The following FGD1 variants were observed in gnomAD, a reference collection of about 807,000 sequenced individuals.
FGD1 encodes FYVE, RhoGEF and PH domain-containing protein 1.
FGD1 carries 12 observed loss-of-function variants against 65.0 expected under a neutral mutation model. The ratio of observed to expected loss-of-function variants is 0.18; its 90% CI spans 0.12 to 0.30. The LOEUF is 0.30. Among genes scored for constraint, FGD1 ranks in the 10% least tolerant of loss-of-function variants. The pLI is 1.00. For synonymous variants in FGD1, 333 were observed against 343.9 expected (o/e 0.97, Z 0.35); for missense variants, 542 against 837.6 (o/e 0.65, Z 4.36).
chrX:54,469,337 T>C (rs762119263), intron 4 of FGD1, among the ~76,000 whole-genome samples: 3 of 111,965 alleles, frequency 2.7e-5, no homozygotes, highest in Non-Finnish European at 5.6e-5. Flanking sequence ...AAAATAATAA[T>C]AGGACTGAAG....
intron 1 of FGD1, among the ~76,000 whole-genome samples, chrX:54,482,529 G>GCTGAGATT (rs1269521999): frequency 8.9e-6 from 1 of 111,980 alleles, no homozygotes; most frequent in East Asian, 2.8e-4. Flanking sequence ...TGCCACGCTG[G>GCTGAGATT]CTGAGATTCC....
chrX:54,449,374 G>A, intron 14 of FGD1, 106 bp from the exon 15 acceptor site: 3 of 1,025,212 alleles, frequency 2.9e-6, no homozygotes, highest in African/African-American at 1.9e-5. Flanking sequence ...GTGGGGATGG[G>A]CTGGGGGTAG....
At chrX:54,448,336 G>A (rs1482971136) in intron 16 of FGD1, among the ~76,000 whole-genome samples, 3 of 110,699 alleles carry the variant, frequency 2.7e-5, no homozygotes, top group Non-Finnish European at 3.8e-5. Context: ...GCAGGCGTGC[G>A]CCACCATGCC....
rs750105234 is a variant in FGD1 at position 54,455,748 on chromosome X, G to T, written c.1879C>A (p.Arg627=). The T allele has an allele frequency of 1.2e-5, 14 of 1,186,916 alleles. No individual in the cohort carries two copies. The highest frequency in any genetic ancestry group is 1.1e-6 in the Non-Finnish European group (1 of 882,041). Residue 627 remains arginine, a synonymous_variant, in exon 11 of 18, where the codon CGG becomes AGG. Transcript: ENST00000375135. ...ACGCTAAACTTCTGGCCAAGGAGCC[G>T]CAGCCTGGGCACGCAGTAAAGGAGG... The part of the protein sequence containing the change: ...DRLLYCVPRL[R]LLGQKFSVRA...
chrX:54,464,127 CTT>C (rs1195226924), intron 8 of FGD1, among the ~76,000 whole-genome samples: 12 of 50,559 alleles, frequency 2.4e-4, no homozygotes, highest in African/African-American at 8.8e-4. Context: ...ACGCCCAGCT[CTT>C]TTTTTTTTTT....
intron 12 of FGD1, among the ~76,000 whole-genome samples, chrX:54,452,121 G>T (rs1202666902): frequency 9.3e-6 from 1 of 107,184 alleles, no homozygotes; most frequent in Non-Finnish European, 1.9e-5. Context: ...ACGAAAATTA[G>T]CTGGGCATGG....
intron 1 of FGD1, among the ~76,000 whole-genome samples, chrX:54,484,722 G>T (rs1048632325): frequency 5.3e-5 from 6 of 112,644 alleles, no homozygotes; most frequent in African/African-American, 1.9e-4. Flanking sequence ...TAGGTCCAAG[G>T]AACTGGGCAC....
Position 54,470,709 on chromosome X carries a change from T to TGGGG in FGD1, c.532_533insCCCC (p.Glu178AlafsTer40). 4.6e-6 allele frequency: 1 copy of TGGGG among 216,796 alleles called. No homozygotes were observed. Among genetic ancestry groups the TGGGG allele is most frequent in the Non-Finnish European group, 7.9e-6 (1 of 126,500 alleles). 17.9% of individuals were successfully genotyped at this position (216,796 alleles called of 1,213,427 possible). On this transcript the variant is annotated frameshift_variant, in exon 3 of 18. Coordinates refer to ENST00000375135, the MANE Select transcript of FGD1 (RefSeq NM_004463.3). LOFTEE classifies it high-confidence loss of function. ...GCGTGATGGTGGAGGGGGGATGGGC[T>TGGGG]CCAGTGGGGGGGGCATCCGGGGCAT...
Position 54,495,505 on chromosome X carries a change from A to T in FGD1, c.-73T>A. The T allele has an allele frequency of 6.8e-6, 5 of 740,554 alleles. No homozygotes were observed. The highest frequency in any genetic ancestry group is 8.6e-6 in the Non-Finnish European group (5 of 583,128). The allele number at this position is 740,554 out of a possible 1,213,427, so 61.0% of individuals were successfully genotyped here. On this transcript the variant is annotated 5_prime_UTR_variant, in exon 1 of 18. Coordinates refer to ENST00000375135, the MANE Select transcript of FGD1 (RefSeq NM_004463.3). ...CCTGGGGCGGAGGCGCGGGCGGAGG[A>T]GGCCCGGCGCCCGGCGGAGCAGCGG... is the stretch of plus-strand genomic sequence containing the variant.
At chrX:54,464,330 C>T (rs1229339599) in intron 8 of FGD1, among the ~76,000 whole-genome samples, 2 of 110,577 alleles carry the variant, frequency 1.8e-5, no homozygotes, top group African/African-American at 3.3e-5. Flanking sequence ...GACGGGGTTT[C>T]ACCATGTTGG....
At chrX:54,452,533 G>A (rs1008912619) in intron 12 of FGD1, among the ~76,000 whole-genome samples, 3 of 110,477 alleles carry the variant, frequency 2.7e-5, no homozygotes, top group Non-Finnish European at 5.7e-5. Flanking sequence ...AGATCACAAG[G>A]TCAGGAGTTC....
Position 54,449,143 on chromosome X carries a change from A to G in FGD1, c.2274T>C (p.His758=). ...TCTGCCCCTGCCTCCCAACACTCAC[A>G]TGCCCGCAGGCCTTGCAGTGGTGCC... ...KRRHHCKACG[H]VVCGKCSEFR... The change falls in exon 15 of 18, where the codon CAT becomes CAC. Residue 758 remains histidine (H), a splice_region_variant and synonymous_variant. Coordinates refer to ENST00000375135, the MANE Select transcript of FGD1 (RefSeq NM_004463.3). 2 of 1,211,649 alleles carry G rather than the reference A, an allele frequency of 1.7e-6. 1 individual carries two copies. Among genetic ancestry groups the G allele is most frequent in the Admixed American group, 4.3e-5 (2 of 46,073 alleles).
chrX:54,455,556 A>G, intron 11 of FGD1, 29 bp from the exon 12 acceptor site: 1 of 1,149,542 alleles, frequency 8.7e-7, no homozygotes, highest in East Asian at 3.0e-5. Context: ...GGGCATGGTG[A>G]GGCCACTGAA....
At chrX:54,452,490 G>A (rs956782982) in intron 12 of FGD1, among the ~76,000 whole-genome samples, 17 of 110,934 alleles carry the variant, frequency 1.5e-4, no homozygotes, top group African/African-American at 4.6e-4. Context: ...GCTCATGCCT[G>A]TAATCCCAGC....
intron 12 of FGD1, among the ~76,000 whole-genome samples, chrX:54,452,068 A>T (rs1922389917): frequency 9.4e-6 from 1 of 106,880 alleles, no homozygotes; most frequent in South Asian, 4.2e-4. Flanking sequence ...GGAGTTTAAG[A>T]CCAGCCTGGG....
At position 54,470,703 on chromosome X, in the gene FGD1, A is replaced by AGGGGT; in HGVS notation, c.538_539insACCCC (p.Ile180AsnfsTer37). ...CAGTGGGCGTGATGGTGGAGGGGGG[A>AGGGGT]TGGGCTCCAGTGGGGGGGGCATCCG... is the stretch of plus-strand genomic sequence containing the variant. On this transcript the variant is annotated frameshift_variant, in exon 3 of 18. Coordinates refer to ENST00000375135, the MANE Select transcript of FGD1 (RefSeq NM_004463.3). LOFTEE classifies it high-confidence loss of function. The AGGGGT allele has an allele frequency of 3.3e-6, 1 of 305,648 alleles. No individual in the cohort carries two copies. The highest frequency in any genetic ancestry group is 4.7e-6 in the Non-Finnish European group (1 of 213,718). 25.2% of individuals were successfully genotyped at this position (305,648 alleles called of 1,213,427 possible).
intron 1 of FGD1, among the ~76,000 whole-genome samples, chrX:54,478,116 T>TA (rs1370807160): frequency 4.5e-5 from 5 of 111,383 alleles, no homozygotes; most frequent in East Asian, 2.8e-4. Flanking sequence ...ATACCCCGTC[T>TA]AAAAACAAAA....
At chrX:54,483,336 G>A (rs762541574) in intron 1 of FGD1, among the ~76,000 whole-genome samples, 5 of 112,287 alleles carry the variant, frequency 4.5e-5, no homozygotes, top group Non-Finnish European at 1.9e-5. Context: ...GCAGGGAAGG[G>A]GCTGGAGGGG....
chrX:54,447,266 G>C, intron 17 of FGD1, 45 bp downstream of exon 17: 1 of 1,199,732 alleles, frequency 8.3e-7, no homozygotes, highest in Non-Finnish European at 1.1e-6. Flanking sequence ...ACTGGATCTG[G>C]CTTTGCCAGG....
Sources: allele counts gnomAD v4.1 joint callset (sites outside exome capture counted in the v4.1 genomes callset), GRCh38; gene constraint gnomAD v4.1.1; transcripts MANE v1.5; gene names NCBI Gene and HGNC (gene_info 2026-07-23, HGNC 2026-07-21).